The following NUB1 variants were observed in gnomAD, a reference collection of about 807,000 sequenced individuals.
NUB1 encodes the protein NEDD8 ultimate buster 1.
In NUB1, 41 loss-of-function variants were observed where a neutral mutation model predicts 77.1. The ratio of observed to expected loss-of-function variants is 0.53; its 90% CI spans 0.41 to 0.69. The LOEUF is 0.69. Ranked by LOEUF, NUB1 falls within the 30% of genes least tolerant of loss-of-function variation. The pLI is 0.00. For missense variants in NUB1, 643 were observed against 743.8 expected (o/e 0.86, Z 1.58); for synonymous variants, 257 against 281.0 (o/e 0.91, Z 0.85).
rs186271923 is a variant in NUB1 at position 151,365,076 on chromosome 7, G to A, written c.801-1863G>A. Among the ~76,000 whole-genome samples the A allele has an allele frequency of 6.2e-3, 938 of 150,868 alleles. 6 individuals carry two copies. Among genetic ancestry groups the A allele is most frequent in the Middle Eastern group, 0.01 (3 of 290 alleles). On this transcript the variant is annotated intron_variant, in intron 8 of 14. Coordinates refer to ENST00000568733, the MANE Select transcript of NUB1 (RefSeq NM_001243351.2). ...TGGGTTCAAGTGATTTTCCTGCCTC[G>A]GCCTCCCAAAGTGCTGAGATTACAG... is the stretch of plus-strand genomic sequence containing the variant.
intron 2 of NUB1, among the ~76,000 whole-genome samples, chr7:151,347,417 A>AG (rs1414895586): frequency 1.6e-5 from 1 of 62,278 alleles, no homozygotes; most frequent in Non-Finnish European, 3.3e-5. Flanking sequence ...CGTCTCTAAA[A>AG]GAAAAAAAAA....
intron 12 of NUB1, 140 bp downstream of exon 12, chr7:151,374,383 C>T: frequency 8.7e-7 from 1 of 1,148,764 alleles, no homozygotes; most frequent in Non-Finnish European, 1.3e-6. Flanking sequence ...CAGGTTTCTC[C>T]TGGGCTCCAG....
intron 1 of NUB1, among the ~76,000 whole-genome samples, chr7:151,342,556 G>A (rs1204182017): frequency 6.6e-6 from 1 of 152,188 alleles, no homozygotes; most frequent in Non-Finnish European, 1.5e-5. Flanking sequence ...GTGAAACATT[G>A]TATGGCATGC....
chr7:151,353,180 G>C (rs1796899078), intron 5 of NUB1, among the ~76,000 whole-genome samples: 3 of 152,192 alleles, frequency 2.0e-5, no homozygotes, highest in Admixed American at 2.0e-4. Flanking sequence ...AATTCTTCTT[G>C]AAGGAGAAGA....
intron 8 of NUB1, among the ~76,000 whole-genome samples, chr7:151,364,278 G>T (rs761680100): frequency 1.8e-4 from 27 of 149,344 alleles, no homozygotes; most frequent in Non-Finnish European, 2.8e-4. Flanking sequence ...AAAATTAGCC[G>T]GGCATGGTGG....
chr7:151,367,126 G>C lies in NUB1; in HGVS notation c.987+1G>C. 6.2e-7 allele frequency: 1 copy of C among 1,609,122 alleles called. No homozygotes were observed. On this transcript the variant is annotated splice_donor_variant, in intron 9 of 14. Coordinates refer to ENST00000568733, the MANE Select transcript of NUB1 (RefSeq NM_001243351.2). LOFTEE classifies it high-confidence loss of function. The stretch of plus-strand genomic sequence containing the variant: ...TCATCAGAGACTGGTCCACATAAAA[G>C]TATGTTCCTGGAATTCATCTTATGT...
At chr7:151,368,601 T>C (rs1427365408) in intron 10 of NUB1, 134 bp from the exon 11 acceptor site, 2 of 1,013,048 alleles carry the variant, frequency 2.0e-6, no homozygotes, top group Non-Finnish European at 2.8e-6. Context: ...ACAGGCCTAG[T>C]TTAGAGATTT....
At chr7:151,351,587 C>T in intron 4 of NUB1, 105 bp downstream of exon 4, 1 of 770,242 alleles carries the variant, frequency 1.3e-6, no homozygotes, top group Non-Finnish European at 2.1e-6. Flanking sequence ...CAGGTATTAT[C>T]TTCATTTTAT....
chr7:151,348,152 T>C (rs1325499938), intron 2 of NUB1, among the ~76,000 whole-genome samples: 1 of 152,238 alleles, frequency 6.6e-6, no homozygotes, highest in African/African-American at 2.4e-5. Flanking sequence ...AGATTAGAGA[T>C]ACTCATCTGG....
chr7:151,356,660 C>T (rs1204218312), intron 7 of NUB1, among the ~76,000 whole-genome samples: 1 of 152,212 alleles, frequency 6.6e-6, no homozygotes, highest in African/African-American at 2.4e-5. Flanking sequence ...TTTCCCTGTT[C>T]TATAATTTGG....
At chr7:151,368,587 A>G (rs1797809013) in intron 10 of NUB1, 148 bp from the exon 11 acceptor site, 5 of 839,908 alleles carry the variant, frequency 6.0e-6, no homozygotes, top group Non-Finnish European at 7.2e-6. Flanking sequence ...TGTACTTGTT[A>G]ATAACAGGCC....
At chr7:151,359,776 C>CA (rs200909680) in intron 7 of NUB1, among the ~76,000 whole-genome samples, 7,426 of 151,874 alleles carry the variant, frequency 0.049, 348 homozygotes, top group African/African-American at 0.12. Context: ...GACTCCGTCT[C>CA]AAAAAAATAA....
At chr7:151,351,356 T>C (rs1796786121) in intron 3 of NUB1, 68 bp from the exon 4 acceptor site, 2 of 1,190,176 alleles carry the variant, frequency 1.7e-6, no homozygotes, top group South Asian at 2.6e-5. Flanking sequence ...GCTTTTCTGA[T>C]TTCACAGGGT....
In NUB1 at chr7:151,349,195, G is replaced by A. The variant is rs757864153; in HGVS notation, c.240G>A (p.Thr80=). 59 of 1,612,334 alleles carry A rather than the reference G, an allele frequency of 3.7e-5. No homozygotes were observed. Among genetic ancestry groups the A allele is most frequent in the Non-Finnish European group, 4.8e-5 (57 of 1,179,426 alleles). The change falls in exon 3 of 15, where the codon ACG becomes ACA. Residue 80 remains threonine (T), a synonymous_variant. Coordinates refer to ENST00000568733, the MANE Select transcript of NUB1 (RefSeq NM_001243351.2). ...CAGGAAATGACAATTATAGAACAACGGGAATTGCTACAATCGAGGTGTTTT... is the reference window on the plus strand; with the variant it reads ...CAGGAAATGACAATTATAGAACAACAGGAATTGCTACAATCGAGGTGTTTT... The part of the protein sequence containing the change: ...RGTGNDNYRT[T]GIATIEVFLP...
intron 3 of NUB1, among the ~76,000 whole-genome samples, chr7:151,350,908 T>C (rs1215550454): frequency 2.0e-5 from 3 of 152,174 alleles, no homozygotes. Flanking sequence ...GATGGAAAAC[T>C]GTTCACAATG....
chr7:151,350,391 C>T (rs181613119), intron 3 of NUB1, among the ~76,000 whole-genome samples: 2 of 152,164 alleles, frequency 1.3e-5, no homozygotes, highest in African/African-American at 4.8e-5. Flanking sequence ...CAGGCACTGG[C>T]GCTACCGCTA....
chr7:151,348,569 CTTTTTTTTTT>C (rs59781719), intron 2 of NUB1, among the ~76,000 whole-genome samples: 60 of 69,946 alleles, frequency 8.6e-4, no homozygotes, highest in African/African-American at 3.4e-3. Context: ...TTGCTTTTTG[CTTTTTTTTTT>C]TTTTTTTTTT....
At chr7:151,360,041 CA>C (rs1390844280) in intron 7 of NUB1, 99 bp from the exon 8 acceptor site, 2 of 576,710 alleles carry the variant, frequency 3.5e-6, no homozygotes, top group Non-Finnish European at 6.1e-6. Flanking sequence ...ATCTTGTTTT[CA>C]TTTTTTTTAC....
Position 151,377,091 on chromosome 7 carries a change from G to A in NUB1, c.1714G>A (p.Val572Ile), listed in dbSNP as rs200003925. ...AGACGAAGACATGGAGACAGAGGCC[G>A]TCAATGAGATACTGGAAGACATTCC... ...STDEDMETEA[V>I]NEILEDIPEH... Residue 572 changes from valine (V) to isoleucine (I), a missense_variant, in exon 15 of 15, where the codon GTC becomes ATC. Val to Ile is a conservative substitution (Grantham distance 29). Transcript: ENST00000568733. 2.2e-4 allele frequency: 342 copies of A among 1,579,638 alleles called. 1 individual carries two copies. Among genetic ancestry groups the A allele is most frequent in the Middle Eastern group, 8.3e-4 (5 of 6,030 alleles).
Sources: allele counts gnomAD v4.1 joint callset (sites outside exome capture counted in the v4.1 genomes callset), GRCh38; gene constraint gnomAD v4.1.1; transcripts MANE v1.5; gene names NCBI Gene and HGNC (gene_info 2026-07-23, HGNC 2026-07-21).